Variants in CDH4 observed in about 807,000 individuals in gnomAD.
The protein encoded by CDH4 is cadherin-4.
CDH4 carries 33 observed loss-of-function variants against 86.0 expected under a neutral mutation model. That is an observed-to-expected ratio of 0.38 (90% confidence interval 0.29 to 0.51). The LOEUF is 0.51. CDH4 is among the 20% of genes least tolerant of loss of function. The pLI is 0.86. For missense variants in CDH4, 1,114 were observed against 1,307.4 expected, an observed-to-expected ratio of 0.85 and a Z score of 2.28; for synonymous variants, 555 against 549.4, an observed-to-expected ratio of 1.01 and a Z score of -0.14.
chr20:61,630,177 G>C (rs563965483), intron 2 of CDH4, among the ~76,000 whole-genome samples: 2 of 152,200 alleles, frequency 1.3e-5, no homozygotes, highest in African/African-American at 4.8e-5. Flanking sequence ...ACCATCCCCA[G>C]CCAGCCCAGT....
intron 2 of CDH4, among the ~76,000 whole-genome samples, chr20:61,306,828 G>A (rs547736066): frequency 1.5e-4 from 23 of 152,190 alleles, no homozygotes; most frequent in Non-Finnish European, 2.6e-4. Flanking sequence ...ACAGCTCAGC[G>A]TTGCCTGATT....
At chr20:61,473,119 G>A (rs2145570387) in intron 2 of CDH4, among the ~76,000 whole-genome samples, 1 of 152,252 alleles carries the variant, frequency 6.6e-6, no homozygotes, top group South Asian at 2.1e-4. Context: ...ATCGAATGTG[G>A]AGTTTGGGAA....
At chr20:61,658,125 G>T (rs1030151583) in intron 2 of CDH4, among the ~76,000 whole-genome samples, 4 of 152,110 alleles carry the variant, frequency 2.6e-5, no homozygotes, top group Admixed American at 2.6e-4. Context: ...TGCGCTGTTG[G>T]CTGTTGCTTC....
chr20:61,753,730 C>T (rs191264715), intron 3 of CDH4, among the ~76,000 whole-genome samples: 36 of 152,300 alleles, frequency 2.4e-4, no homozygotes, highest in Admixed American at 4.6e-4. Context: ...AATATTGTAT[C>T]TTCTAGCACA....
intron 11 of CDH4, among the ~76,000 whole-genome samples, chr20:61,927,248 C>T (rs764348719): frequency 4.3e-4 from 66 of 152,218 alleles, no homozygotes; most frequent in Non-Finnish European, 6.9e-4. Flanking sequence ...CCGCCACCAC[C>T]GCCGCCTCCA....
intron 2 of CDH4, among the ~76,000 whole-genome samples, chr20:61,574,584 G>A (rs1195074455): frequency 1.3e-5 from 2 of 152,144 alleles, no homozygotes; most frequent in Non-Finnish European, 2.9e-5. Flanking sequence ...AATGGTCTCA[G>A]TGTAAGTATA....
intron 2 of CDH4, among the ~76,000 whole-genome samples, chr20:61,691,443 CTG>C (rs35793661): frequency 0.064 from 9,690 of 151,370 alleles, 408 homozygotes; most frequent in East Asian, 0.16. Flanking sequence ...GCATGTGTGT[CTG>C]TGTGTATGTG....
chr20:61,926,974 A>C (rs2055051744), intron 11 of CDH4, among the ~76,000 whole-genome samples: 1 of 127,922 alleles, frequency 7.8e-6, no homozygotes. Flanking sequence ...CGGGGTGCAC[A>C]GGCTGGAGCA....
intron 2 of CDH4, among the ~76,000 whole-genome samples, chr20:61,381,468 AT>A (rs1289034286): frequency 6.6e-6 from 1 of 151,998 alleles, no homozygotes; most frequent in Non-Finnish European, 1.5e-5. Flanking sequence ...TAGCAAGGAG[AT>A]TTTTTTTCAG....
rs139515138 is a variant in CDH4, at chr20:61,640,832, G to A, written c.170-102731G>A. On this transcript the variant is annotated intron_variant, in intron 2 of 15. Transcript: ENST00000614565. ...GAAGGGTAGCGGGAGTGTGGGCTACGCTGTTGGTCTGTCTTTGGGTGATTC... is the reference window on the plus strand; with the variant it reads ...GAAGGGTAGCGGGAGTGTGGGCTACACTGTTGGTCTGTCTTTGGGTGATTC... 2.5e-3 allele frequency among the ~76,000 whole-genome samples: 378 copies of A among 152,298 alleles called. 1 individual carries two copies. Among genetic ancestry groups the A allele is most frequent in the African/African-American group, 8.7e-3 (360 of 41,560 alleles).
chr20:61,731,527 G>A (rs2088186992), intron 2 of CDH4, among the ~76,000 whole-genome samples: 1 of 152,208 alleles, frequency 6.6e-6, no homozygotes, highest in East Asian at 1.9e-4. Flanking sequence ...CAGGTGGGGT[G>A]AAGCAGAGGC....
chr20:61,366,740 C>T (rs146366120), intron 2 of CDH4, among the ~76,000 whole-genome samples: 3,418 of 152,284 alleles, frequency 0.022, 61 homozygotes, highest in Middle Eastern at 0.054. Context: ...CCAGGTGTTC[C>T]TTGCCCTCAT....
intron 4 of CDH4, 62 bp from the exon 5 acceptor site, chr20:61,844,606 A>G (rs1357091398): frequency 3.3e-6 from 5 of 1,502,788 alleles, no homozygotes; most frequent in Non-Finnish European, 4.5e-6. Context: ...AATGTCAGAG[A>G]TCGGCCCCGG....
chr20:61,287,687 TC>T (rs1164349976), intron 2 of CDH4, among the ~76,000 whole-genome samples: 1 of 152,140 alleles, frequency 6.6e-6, no homozygotes, highest in East Asian at 1.9e-4. Flanking sequence ...GCCCTGGGCC[TC>T]TTGCTGGGGT....
At chr20:61,843,812 A>G (rs915121585) in intron 4 of CDH4, among the ~76,000 whole-genome samples, 3 of 152,186 alleles carry the variant, frequency 2.0e-5, no homozygotes, top group African/African-American at 2.4e-5. Context: ...AAAAAGTAGT[A>G]TATGCTAAAG....
rs780928622 is a variant in CDH4, at chr20:61,879,351, C to T, written c.1050+5451C>T. ...TCAGCCACTTCTGAAAAGGACACATCGGTAGTTCCTTTTTCTCTTCCTCCC... is the reference window on the plus strand; with the variant it reads ...TCAGCCACTTCTGAAAAGGACACATTGGTAGTTCCTTTTTCTCTTCCTCCC... On this transcript the variant is annotated intron_variant, in intron 7 of 15. Transcript: ENST00000614565. This position sits in a 1 kb window ranked among gnomAD's most constrained non-coding sequence, Gnocchi z 4.1. Among the ~76,000 whole-genome samples, 2 of 152,172 alleles carry T rather than the reference C, an allele frequency of 1.3e-5. No homozygotes were observed. Among genetic ancestry groups the T allele is most frequent in the Non-Finnish European group, 2.9e-5 (2 of 68,042 alleles).
At chr20:61,700,754 T>C (rs73150341) in intron 2 of CDH4, among the ~76,000 whole-genome samples, 5,994 of 152,232 alleles carry the variant, frequency 0.039, 132 homozygotes, top group Middle Eastern at 0.082. Flanking sequence ...GGTGTCTTCT[T>C]CATGTCTTCT....
In CDH4 at chr20:61,600,314, C is replaced by T. The variant is rs184316750; in HGVS notation, c.170-143249C>T. Among the ~76,000 whole-genome samples, 36 of 152,328 alleles carry T rather than the reference C, an allele frequency of 2.4e-4. No individual in the cohort carries two copies. The East Asian group carries it at 6.4e-3, about 27-fold the overall frequency. On this transcript the variant is annotated intron_variant, in intron 2 of 15. Coordinates refer to ENST00000614565, the MANE Select transcript of CDH4 (RefSeq NM_001794.5). Reference sequence around the variant, plus strand: ...CCAGCTGTGAGCGTGCCGTATTTCCCAGGGTGGGGATGGCCCAGTGTCCTC... The same window carrying T: ...CCAGCTGTGAGCGTGCCGTATTTCCTAGGGTGGGGATGGCCCAGTGTCCTC...
At chr20:61,634,669 A>G (rs1315345706) in intron 2 of CDH4, among the ~76,000 whole-genome samples, 1 of 152,152 alleles carries the variant, frequency 6.6e-6, no homozygotes, top group Non-Finnish European at 1.5e-5. Context: ...GGTAAACTAC[A>G]CTTAACATAA....
Sources: allele counts gnomAD v4.1 joint callset (sites outside exome capture counted in the v4.1 genomes callset), GRCh38; gene constraint gnomAD v4.1.1; non-coding constraint Gnocchi (gnomAD v3.1); transcripts MANE v1.5; gene names NCBI Gene and HGNC (gene_info 2026-07-23, HGNC 2026-07-21).